The following SPOCK3 variants were observed in gnomAD, a reference collection of about 807,000 sequenced individuals.
SPOCK3 encodes SPARC (osteonectin), cwcv and kazal like domains proteoglycan 3, also known as testican-3.
Under a neutral mutation model 56.6 loss-of-function variants are expected in SPOCK3, and 30 were observed. The observed-to-expected ratio is 0.53, with a 90% CI of 0.40 to 0.72. SPOCK3 has a LOEUF of 0.72. Among genes scored for constraint, SPOCK3 ranks in the 30% least tolerant of loss-of-function variants. The pLI, the probability that SPOCK3 is intolerant of heterozygous loss-of-function variation, is 0.00. For missense variants in SPOCK3, 527 were observed against 530.0 expected, an observed-to-expected ratio of 0.99 and a Z score of 0.06; for synonymous variants, 196 against 183.3, an observed-to-expected ratio of 1.07 and a Z score of -0.56.
intron 2 of SPOCK3, among the ~76,000 whole-genome samples, chr4:167,144,950 G>A (rs939772624): frequency 1.3e-5 from 2 of 151,766 alleles, no homozygotes; most frequent in Non-Finnish European, 2.9e-5. Flanking sequence ...AAAATTAATA[G>A]TGTTGATAAA....
rs1277047326 is a variant in SPOCK3 at position 167,051,428 on chromosome 4, G to GT, written c.235+11063dup. On this transcript the variant is annotated intron_variant, in intron 3 of 10. Coordinates refer to ENST00000357545, the MANE Select transcript of SPOCK3 (RefSeq NM_001040159.2). ...AGATTATAATATTGTTTCTTTCTTT[G>GT]TTTTTTCCAAGACAAACTGTATCCA... Among the ~76,000 whole-genome samples, 5 of 152,118 alleles carry GT rather than the reference G, an allele frequency of 3.3e-5. No homozygotes were observed. The East Asian group carries it at 7.7e-4, about 24-fold the overall frequency.
chr4:167,013,685 G>C (rs1750318662), intron 3 of SPOCK3, among the ~76,000 whole-genome samples: 1 of 151,792 alleles, frequency 6.6e-6, no homozygotes, highest in African/African-American at 2.4e-5. Context: ...ATATATCTAT[G>C]ATTTAGTTAA....
At chr4:166,999,080 T>TAG (rs1748689948) in intron 4 of SPOCK3, among the ~76,000 whole-genome samples, 1 of 152,188 alleles carries the variant, frequency 6.6e-6, no homozygotes, top group South Asian at 2.1e-4. Context: ...TGCTTTCCCC[T>TAG]AGTAGGCTAA....
chr4:167,058,398 T>C (rs982636640), intron 3 of SPOCK3, among the ~76,000 whole-genome samples: 5 of 152,058 alleles, frequency 3.3e-5, no homozygotes, highest in African/African-American at 7.2e-5. Flanking sequence ...CTCCCATTCA[T>C]AAGTGCTTCA....
chr4:166,766,855 T>C (rs1738149634), intron 7 of SPOCK3, among the ~76,000 whole-genome samples: 1 of 152,182 alleles, frequency 6.6e-6, no homozygotes, highest in Non-Finnish European at 1.5e-5. Context: ...AATTATTGCC[T>C]CAATTTCGGA....
intron 3 of SPOCK3, among the ~76,000 whole-genome samples, chr4:167,029,941 T>A (rs1461537254): frequency 6.6e-6 from 1 of 152,024 alleles, no homozygotes; most frequent in African/African-American, 2.4e-5. Context: ...TTCTTTGTAT[T>A]GGGCTTTATT....
intron 2 of SPOCK3, among the ~76,000 whole-genome samples, chr4:167,151,152 C>A (rs1764381199): frequency 6.6e-6 from 1 of 152,164 alleles, no homozygotes; most frequent in Non-Finnish European, 1.5e-5. Context: ...CCAAGATGAG[C>A]TAAATTAGAG....
intron 7 of SPOCK3, 146 bp downstream of exon 7, chr4:166,792,024 T>C: frequency 1.2e-6 from 1 of 866,708 alleles, no homozygotes; most frequent in Non-Finnish European, 1.7e-6. Flanking sequence ...ATAATACAGG[T>C]GTGCTTGGAA....
At chr4:167,165,633 C>T (rs1765692980) in intron 2 of SPOCK3, among the ~76,000 whole-genome samples, 1 of 152,012 alleles carries the variant, frequency 6.6e-6, no homozygotes. Context: ...AAATTAGAAA[C>T]AATACCTGAA....
intron 6 of SPOCK3, among the ~76,000 whole-genome samples, chr4:166,844,171 CAAAT>C (rs1416998209): frequency 6.6e-6 from 1 of 152,114 alleles, no homozygotes; most frequent in Non-Finnish European, 1.5e-5. Context: ...GGGTCAAAAA[CAAAT>C]AAACAAAAGG....
chr4:166,762,390 G>C (rs1737358218), intron 7 of SPOCK3, among the ~76,000 whole-genome samples: 1 of 152,078 alleles, frequency 6.6e-6, no homozygotes, highest in African/African-American at 2.4e-5. Flanking sequence ...GTGTGCCCTT[G>C]ATCCAAAGTA....
At chr4:167,094,238 G>A (rs942889437) in intron 2 of SPOCK3, among the ~76,000 whole-genome samples, 1 of 151,992 alleles carries the variant, frequency 6.6e-6, no homozygotes, top group African/African-American at 2.4e-5. Context: ...GGTACTGCAT[G>A]AGCAAAAATG....
At chr4:166,790,703 A>G (rs10517903) in intron 7 of SPOCK3, among the ~76,000 whole-genome samples, 2 of 152,190 alleles carry the variant, frequency 1.3e-5, no homozygotes, top group African/African-American at 4.8e-5. Context: ...CACCTTGCTG[A>G]GTGTTGCAAA....
At chr4:166,890,410 A>G (rs986883622) in intron 5 of SPOCK3, among the ~76,000 whole-genome samples, 3 of 151,904 alleles carry the variant, frequency 2.0e-5, no homozygotes, top group African/African-American at 7.2e-5. Flanking sequence ...CCAAACAGCC[A>G]GTTTTTCCCC....
At chr4:166,762,923 C>A (rs113068481) in intron 7 of SPOCK3, among the ~76,000 whole-genome samples, 1 of 151,958 alleles carries the variant, frequency 6.6e-6, no homozygotes, top group Non-Finnish European at 1.5e-5. Flanking sequence ...ATGTCACTTG[C>A]CTTAACATAT....
intron 3 of SPOCK3, among the ~76,000 whole-genome samples, chr4:167,036,857 C>CA (rs1194636369): frequency 6.0e-5 from 9 of 151,242 alleles, no homozygotes; most frequent in East Asian, 1.9e-4. Context: ...ATATCAACAA[C>CA]AAAAAAAATA....
intron 4 of SPOCK3, among the ~76,000 whole-genome samples, chr4:166,948,689 G>C (rs550038610): frequency 6.6e-6 from 1 of 152,182 alleles, no homozygotes; most frequent in South Asian, 2.1e-4. Context: ...TATTCAACTT[G>C]TAGAGTTTCT....
chr4:166,753,469 A>C, intron 8 of SPOCK3, among the ~76,000 whole-genome samples: 1 of 152,022 alleles, frequency 6.6e-6, no homozygotes, highest in East Asian at 1.9e-4. Flanking sequence ...GTTTATTAAT[A>C]GTTAAGTTAC....
intron 3 of SPOCK3, among the ~76,000 whole-genome samples, chr4:167,012,095 T>G (rs558007208): frequency 6.6e-6 from 1 of 151,980 alleles, no homozygotes; most frequent in Non-Finnish European, 1.5e-5. Flanking sequence ...TCTATTCAAA[T>G]TGATTTTTCC....
Sources: allele counts gnomAD v4.1 joint callset (sites outside exome capture counted in the v4.1 genomes callset), GRCh38; gene constraint gnomAD v4.1.1; transcripts MANE v1.5; gene names NCBI Gene and HGNC (gene_info 2026-07-23, HGNC 2026-07-21).